TTLL5: variants seen among roughly 807,000 people sequenced by gnomAD.
The protein encoded by TTLL5 is tubulin tyrosine ligase like 5.
Under a neutral mutation model 168.4 loss-of-function variants are expected in TTLL5, and 132 were observed. The ratio of observed to expected loss-of-function variants is 0.78; its 90% CI spans 0.68 to 0.91. TTLL5 has a LOEUF of 0.91. Among genes scored for constraint, TTLL5 ranks in the 40% least tolerant of loss-of-function variants. The pLI, the probability that TTLL5 is intolerant of heterozygous loss-of-function variation, is 0.00. For missense variants in TTLL5, 1,545 were observed against 1,581.5 expected (o/e 0.98, Z 0.39); for synonymous variants, 546 against 558.6 (o/e 0.98, Z 0.32).
chr14:75,795,318 TG>T (rs1892942447), intron 27 of TTLL5, among the ~76,000 whole-genome samples: 1 of 152,234 alleles, frequency 6.6e-6, no homozygotes. Flanking sequence ...CAATAGTAAA[TG>T]GCTTCTAATT....
chr14:75,773,927 T>TATATATATATAGAG (rs1354936334), intron 21 of TTLL5, among the ~76,000 whole-genome samples: 3 of 21,124 alleles, frequency 1.4e-4, no homozygotes, highest in East Asian at 1.0e-3. Flanking sequence ...TATATATATA[T>TATATATATATAGAG]AGAGAGAGAG....
At chr14:75,920,942 T>C (rs1276098654) in intron 31 of TTLL5, among the ~76,000 whole-genome samples, 2 of 152,206 alleles carry the variant, frequency 1.3e-5, no homozygotes. Flanking sequence ...TGGTATCTCG[T>C]TGTGGTTTTG....
chr14:75,954,293 G>A lies in TTLL5; in HGVS notation c.3824-131G>A. 3 of 849,984 alleles carry A rather than the reference G, an allele frequency of 3.5e-6. No homozygotes were observed. The South Asian group carries it at 4.6e-5, about 13-fold the overall frequency. 52.7% of individuals were successfully genotyped at this position (849,984 alleles called of 1,614,324 possible). ...AAAAAAAAGAGCTTTCCACTTAGAG[G>A]TGAACTTCATTTATTTGGGCCACCA... On this transcript the variant is annotated intron_variant, in intron 31 of 31. Coordinates refer to ENST00000298832, the MANE Select transcript of TTLL5 (RefSeq NM_015072.5).
At chr14:75,726,075 A>G (rs532484275) in intron 12 of TTLL5, among the ~76,000 whole-genome samples, 1 of 152,328 alleles carries the variant, frequency 6.6e-6, no homozygotes, top group African/African-American at 2.4e-5. Context: ...CTCAGGGACC[A>G]CAGCTTCAGC....
chr14:75,937,754 G>A (rs1473273556), intron 31 of TTLL5, among the ~76,000 whole-genome samples: 1 of 152,144 alleles, frequency 6.6e-6, no homozygotes, highest in African/African-American at 2.4e-5. Flanking sequence ...TATCCATTCA[G>A]CAATCAATGG....
At chr14:75,854,981 A>C (rs1376061468) in intron 28 of TTLL5, among the ~76,000 whole-genome samples, 1 of 151,886 alleles carries the variant, frequency 6.6e-6, no homozygotes, top group African/African-American at 2.4e-5. Flanking sequence ...TCTTTTCCTT[A>C]GTGATGTCTT....
rs534989089 is a variant in TTLL5 at position 75,720,688 on chromosome 14, C to G, written c.1027C>G (p.Arg343Gly). Reference sequence around the variant, plus strand: ...TGCCTGTAAAACCTTTGTTCCTCATCGCAGCAGTTGTTTTGGTAAGGAGAC... The same window carrying G: ...TGCCTGTAAAACCTTTGTTCCTCATGGCAGCAGTTGTTTTGGTAAGGAGAC... ...ATACKTFVPH[R>G]SSCFELYGFD... The change falls in exon 12 of 32, where the codon CGC becomes GGC. Residue 343 changes from arginine (R) to glycine (G), a missense_variant. Transcript: ENST00000298832. 6.2e-6 allele frequency: 10 copies of G among 1,613,236 alleles called. No individual in the cohort carries two copies. The highest frequency in any genetic ancestry group is 8.5e-6 in the Non-Finnish European group (10 of 1,179,412).
chr14:75,693,501 C>T (rs1228051192), intron 6 of TTLL5, among the ~76,000 whole-genome samples: 3 of 152,218 alleles, frequency 2.0e-5, no homozygotes, highest in Non-Finnish European at 4.4e-5. Flanking sequence ...ACTCCCCAAA[C>T]TGTTCTCAGT....
At chr14:75,717,733 A>AGTAGGCACTTG in intron 9 of TTLL5, 128 bp from the exon 10 acceptor site, 1 of 796,042 alleles carries the variant, frequency 1.3e-6, no homozygotes. Flanking sequence ...GTTAGCACTT[A>AGTAGGCACTTG]GTAGGCACTT....
chr14:75,789,307 A>G (rs1448230911), intron 26 of TTLL5, among the ~76,000 whole-genome samples: 1 of 152,214 alleles, frequency 6.6e-6, no homozygotes, highest in East Asian at 1.9e-4. Flanking sequence ...TTTGGCTAAG[A>G]TCAAGTATAA....
chr14:75,741,860 T>G (rs1481738392), intron 15 of TTLL5, among the ~76,000 whole-genome samples: 1 of 152,194 alleles, frequency 6.6e-6, no homozygotes, highest in Non-Finnish European at 1.5e-5. Context: ...GAGACAAGTC[T>G]TTGAAAGTGA....
chr14:75,841,511 T>C (rs941459336), intron 28 of TTLL5, among the ~76,000 whole-genome samples: 6 of 152,238 alleles, frequency 3.9e-5, no homozygotes, highest in African/African-American at 1.4e-4. Context: ...TATTCCTTTC[T>C]TTGTCATCTG....
intron 28 of TTLL5, among the ~76,000 whole-genome samples, chr14:75,850,516 C>T (rs1896789710): frequency 1.3e-5 from 2 of 150,978 alleles, no homozygotes; most frequent in South Asian, 4.2e-4. Context: ...CTCATAGTTC[C>T]CAGTGTTTAT....
At chr14:75,920,699 C>T (rs2033795856) in intron 31 of TTLL5, among the ~76,000 whole-genome samples, 3 of 152,196 alleles carry the variant, frequency 2.0e-5, no homozygotes, top group Admixed American at 2.0e-4. Flanking sequence ...AATAGTGCTG[C>T]AGTAAACATA....
At chr14:75,911,625 C>T (rs1456722535) in intron 31 of TTLL5, among the ~76,000 whole-genome samples, 1 of 151,942 alleles carries the variant, frequency 6.6e-6, no homozygotes, top group East Asian at 1.9e-4. Flanking sequence ...ATTTGATTCC[C>T]AGGGAAATTA....
intron 27 of TTLL5, among the ~76,000 whole-genome samples, chr14:75,797,890 ATT>A (rs535063234): frequency 6.6e-6 from 1 of 152,080 alleles, no homozygotes; most frequent in South Asian, 2.1e-4. Flanking sequence ...CATCAGAGAT[ATT>A]GGTCTGTAGT....
chr14:75,906,483 G>C, intron 31 of TTLL5: 1 of 979,466 alleles, frequency 1.0e-6, no homozygotes, highest in Non-Finnish European at 1.2e-6. Context: ...CCTAGTTTCA[G>C]ATTTTACCTT....
intron 21 of TTLL5, among the ~76,000 whole-genome samples, chr14:75,773,714 C>T (rs1174584239): frequency 6.6e-6 from 1 of 151,028 alleles, no homozygotes; most frequent in Non-Finnish European, 1.5e-5. Context: ...CATGGTGAAA[C>T]CCCGTCTCTA....
chr14:75,702,172 C>T (rs1483226306), intron 7 of TTLL5, among the ~76,000 whole-genome samples: 2 of 152,256 alleles, frequency 1.3e-5, no homozygotes, highest in Non-Finnish European at 2.9e-5. Context: ...ACTGCTACAG[C>T]CCCAGGCATT....
Sources: gnomAD v4.1 joint callset for allele counts (sites outside exome capture counted in the v4.1 genomes callset) on GRCh38, gnomAD v4.1.1 for gene constraint, MANE v1.5 for transcripts, NCBI Gene and HGNC (gene_info 2026-07-23, HGNC 2026-07-21) for gene names.